POU6F2: variants seen among roughly 807,000 people sequenced by gnomAD.
POU6F2 encodes POU class 6 homeobox 2, also known as POU domain, class 6, transcription factor 2.
A neutral mutation model predicts 71.3 loss-of-function variants in POU6F2; 31 were observed. The ratio of observed to expected loss-of-function variants is 0.43; its 90% CI spans 0.33 to 0.59. The LOEUF is 0.59. Ranked by LOEUF, POU6F2 falls within the 20% of genes least tolerant of loss-of-function variation. The pLI, the probability that POU6F2 is intolerant of heterozygous loss-of-function variation, is 0.04. For missense variants in POU6F2, 783 were observed against 856.8 expected (o/e 0.91, Z 1.07); for synonymous variants, 347 against 355.7 (o/e 0.98, Z 0.27).
At chr7:39,422,424 C>T (rs754275748) in intron 6 of POU6F2, among the ~76,000 whole-genome samples, 6 of 152,050 alleles carry the variant, frequency 3.9e-5, no homozygotes, top group African/African-American at 7.2e-5. Flanking sequence ...CATTTTTATG[C>T]GATATCTCAT....
At chr7:39,051,914 G>A (rs1256638498) in intron 1 of POU6F2, among the ~76,000 whole-genome samples, 2 of 152,126 alleles carry the variant, frequency 1.3e-5, no homozygotes, top group Non-Finnish European at 2.9e-5. Context: ...ACAATACTGT[G>A]TGGTTGGGAG....
At chr7:39,215,989 T>C (rs1472318277) in intron 4 of POU6F2, among the ~76,000 whole-genome samples, 1 of 152,214 alleles carries the variant, frequency 6.6e-6, no homozygotes, top group Non-Finnish European at 1.5e-5. Flanking sequence ...GGATATGTTT[T>C]TTTCGTTACA....
At chr7:39,038,901 T>C (rs976482438) in intron 1 of POU6F2, among the ~76,000 whole-genome samples, 2 of 151,916 alleles carry the variant, frequency 1.3e-5, no homozygotes, top group African/African-American at 4.8e-5. Flanking sequence ...CGACAGGGAA[T>C]ATTAGGTCAC....
chr7:39,154,611 C>T (rs1195210003), intron 2 of POU6F2, among the ~76,000 whole-genome samples: 3 of 152,134 alleles, frequency 2.0e-5, no homozygotes, highest in Non-Finnish European at 2.9e-5. Context: ...TTAGAAATTG[C>T]AACCGCAGGT....
At chr7:39,084,975 G>C (rs1791205697) in intron 1 of POU6F2, 2 of 152,098 alleles carry the variant, frequency 1.3e-5, no homozygotes, top group African/African-American at 4.8e-5. Flanking sequence ...AAATATTTCT[G>C]ATCCTAAAAT....
At chr7:39,347,933 A>T (rs898049049) in intron 5 of POU6F2, among the ~76,000 whole-genome samples, 1 of 143,612 alleles carries the variant, frequency 7.0e-6, no homozygotes, top group African/African-American at 2.5e-5. Context: ...TGCCCAGCCC[A>T]TCAATATTAT....
rs569067478 is a variant in POU6F2 at position 39,379,761 on chromosome 7, A to G, written c.973-26839A>G. ...TTTTCCCATCCTGCCTTGCCCTCCT[A>G]TCACCAACACCAACTCCCCTGGTTT... On this transcript the variant is annotated intron_variant, in intron 5 of 9. Transcript: ENST00000518318. Among the ~76,000 whole-genome samples, 62 of 152,180 alleles carry G rather than the reference A, an allele frequency of 4.1e-4. 1 individual carries two copies. The highest frequency in any genetic ancestry group is 3.4e-3 in the Middle Eastern group (1 of 294).
intron 4 of POU6F2, among the ~76,000 whole-genome samples, chr7:39,251,626 G>A (rs186174508): frequency 6.6e-6 from 1 of 152,138 alleles, no homozygotes; most frequent in African/African-American, 2.4e-5. Flanking sequence ...TAAGTAGAAA[G>A]AAATAAAAAT....
intron 5 of POU6F2, among the ~76,000 whole-genome samples, chr7:39,350,827 G>C (rs1005581368): frequency 6.6e-6 from 1 of 152,160 alleles, no homozygotes; most frequent in Non-Finnish European, 1.5e-5. Flanking sequence ...CCCTCTTCTT[G>C]TCTCACCCAA....
chr7:39,314,757 T>G (rs764481797), intron 4 of POU6F2, among the ~76,000 whole-genome samples: 5 of 152,150 alleles, frequency 3.3e-5, no homozygotes, highest in Non-Finnish European at 7.3e-5. Context: ...TGAAGTAAAC[T>G]CTAGCAAAGG....
chr7:39,442,406 C>T (rs908183081), intron 7 of POU6F2, among the ~76,000 whole-genome samples: 1 of 152,204 alleles, frequency 6.6e-6, no homozygotes, highest in Non-Finnish European at 1.5e-5. Context: ...TCAGGAGAAT[C>T]CCAGCAAGGT....
At chr7:39,374,300 A>G (rs977324196) in intron 5 of POU6F2, among the ~76,000 whole-genome samples, 2 of 152,236 alleles carry the variant, frequency 1.3e-5, no homozygotes, top group African/African-American at 4.8e-5. Context: ...TGGAATAAAA[A>G]GCAATCTGTG....
rs553469732 is a variant in POU6F2, at chr7:39,111,309, A to G, written c.277+25278A>G. On this transcript the variant is annotated intron_variant, in intron 2 of 9. Transcript: ENST00000518318. ...ATTTAGGCAGGATTATCATGGTAGC[A>G]TCTTAGCTCCAACACCAATTTCTTT... Among the ~76,000 whole-genome samples the G allele has an allele frequency of 2.6e-5, 4 of 152,338 alleles. No individual in the cohort carries two copies. The South Asian group carries it at 8.3e-4, about 32-fold the overall frequency.
chr7:39,036,713 C>A (rs1790073288), intron 1 of POU6F2, among the ~76,000 whole-genome samples: 1 of 151,624 alleles, frequency 6.6e-6, no homozygotes, highest in Non-Finnish European at 1.5e-5. Context: ...GAATACCCAG[C>A]AAATGGAAAA....
chr7:39,453,306 T>TAA (rs777345714), intron 8 of POU6F2, among the ~76,000 whole-genome samples: 1,944 of 145,850 alleles, frequency 0.013, 42 homozygotes, highest in African/African-American at 0.045. Context: ...TTCCCCTAAT[T>TAA]AAAAAAAAAA....
At chr7:39,068,380 T>C (rs961349359) in intron 1 of POU6F2, among the ~76,000 whole-genome samples, 2 of 152,020 alleles carry the variant, frequency 1.3e-5, no homozygotes, top group Admixed American at 6.6e-5. Flanking sequence ...TAATAAATAT[T>C]TATTGAATGA....
At chr7:39,185,974 G>T (rs760682394) in intron 2 of POU6F2, among the ~76,000 whole-genome samples, 2 of 151,768 alleles carry the variant, frequency 1.3e-5, no homozygotes, top group Non-Finnish European at 2.9e-5. Flanking sequence ...GCAGCAGCAC[G>T]ATCTTGGCTC....
chr7:39,101,328 C>G (rs1420496521), intron 2 of POU6F2, among the ~76,000 whole-genome samples: 1 of 152,148 alleles, frequency 6.6e-6, no homozygotes, highest in Admixed American at 6.5e-5. Context: ...TCCGCCTCAG[C>G]CTTCCCAAAG....
At chr7:39,293,572 A>G (rs1784801368) in intron 4 of POU6F2, among the ~76,000 whole-genome samples, 2 of 152,086 alleles carry the variant, frequency 1.3e-5, no homozygotes, top group South Asian at 4.1e-4. Flanking sequence ...AGACCACGTG[A>G]TAGCCGAGGG....
Sources: allele counts gnomAD v4.1 joint callset (sites outside exome capture counted in the v4.1 genomes callset), GRCh38; gene constraint gnomAD v4.1.1; transcripts MANE v1.5; gene names NCBI Gene and HGNC (gene_info 2026-07-23, HGNC 2026-07-21).